ARFGEF1: variants seen among roughly 807,000 people sequenced by gnomAD.
ARFGEF1 encodes the protein ARF guanine nucleotide exchange factor 1, also known as brefeldin A-inhibited guanine nucleotide-exchange protein 1.
Under a neutral mutation model 231.0 loss-of-function variants are expected in ARFGEF1, and 42 were observed. The observed-to-expected ratio is 0.18, with a 90% CI of 0.14 to 0.24. The LOEUF is 0.24. ARFGEF1 is among the 10% of genes least tolerant of loss of function. ARFGEF1 has a pLI of 1.00. For synonymous variants in ARFGEF1, 710 were observed against 732.3 expected, an observed-to-expected ratio of 0.97 and a Z score of 0.49; for missense variants, 1,345 against 2,192.0, an observed-to-expected ratio of 0.61 and a Z score of 7.72.
At chr8:67,309,700 T>C (rs144514237) in intron 1 of ARFGEF1, among the ~76,000 whole-genome samples, 51 of 152,302 alleles carry the variant, frequency 3.3e-4, no homozygotes, top group African/African-American at 1.1e-3. Flanking sequence ...AAAAATACTT[T>C]TTGCTCATTA....
At chr8:67,329,309 T>C (rs1807987123) in intron 1 of ARFGEF1, among the ~76,000 whole-genome samples, 1 of 151,194 alleles carries the variant, frequency 6.6e-6, no homozygotes, top group Non-Finnish European at 1.5e-5. Context: ...TCCCAGCACT[T>C]TGGGAGGCTG....
intron 20 of ARFGEF1, 109 bp downstream of exon 20, chr8:67,240,053 G>A (rs1016389511): frequency 7.0e-7 from 1 of 1,423,406 alleles, no homozygotes; most frequent in East Asian, 2.4e-5. Context: ...TCATAAACTT[G>A]AAATTAGTTT....
At chr8:67,285,086 T>C (rs1351464075) in intron 7 of ARFGEF1, among the ~76,000 whole-genome samples, 1 of 142,792 alleles carries the variant, frequency 7.0e-6, no homozygotes, top group Non-Finnish European at 1.5e-5. Flanking sequence ...AAGCCCATGG[T>C]ATTATTTTTA....
chr8:67,328,243 C>T (rs187481860), intron 1 of ARFGEF1, among the ~76,000 whole-genome samples: 1,567 of 152,106 alleles, frequency 0.01, 13 homozygotes, highest in Non-Finnish European at 0.017. Flanking sequence ...CCTTAAATAG[C>T]CATGGGTGCT....
intron 2 of ARFGEF1, among the ~76,000 whole-genome samples, chr8:67,301,784 C>T (rs1163046625): frequency 6.6e-6 from 1 of 152,106 alleles, no homozygotes; most frequent in East Asian, 1.9e-4. Flanking sequence ...AATGCCAACA[C>T]TATCAAAAAA....
intron 14 of ARFGEF1, among the ~76,000 whole-genome samples, chr8:67,261,394 G>A (rs1464553884): frequency 6.6e-6 from 1 of 152,128 alleles, no homozygotes; most frequent in Non-Finnish European, 1.5e-5. Context: ...AGATCCCAGG[G>A]TCCTTAAGAA....
chr8:67,206,151 T>C (rs918677599), intron 34 of ARFGEF1, among the ~76,000 whole-genome samples: 1 of 152,060 alleles, frequency 6.6e-6, no homozygotes, highest in African/African-American at 2.4e-5. Flanking sequence ...GGCTCATGCC[T>C]GTAATCCCAG....
chr8:67,247,771 AT>A (rs1012139813), intron 19 of ARFGEF1, among the ~76,000 whole-genome samples: 2 of 150,660 alleles, frequency 1.3e-5, no homozygotes, highest in African/African-American at 4.9e-5. Flanking sequence ...AAGAAGTCAA[AT>A]TATCTATTTG....
chr8:67,289,640 A>G (rs2128908487), intron 6 of ARFGEF1, among the ~76,000 whole-genome samples: 1 of 151,616 alleles, frequency 6.6e-6, no homozygotes, highest in Middle Eastern at 3.5e-3. Flanking sequence ...TGTCCTCCCT[A>G]TAATTTCACT....
chr8:67,206,278 C>T lies in ARFGEF1; in HGVS notation c.4820-1459G>A, dbSNP rs1032348823. Among the ~76,000 whole-genome samples, 7 of 151,782 alleles carry T rather than the reference C, an allele frequency of 4.6e-5. No individual in the cohort carries two copies. In the East Asian group the frequency reaches 5.8e-4, roughly 13 times the overall value. ...TACAAAAATTAGCCGGGTGTGGTGG[C>T]GTGTGCCTGTAGTCCCAGCTACTCG... On this transcript the variant is annotated intron_variant, in intron 34 of 38. Coordinates refer to ENST00000262215, the MANE Select transcript of ARFGEF1 (RefSeq NM_006421.5).
rs184098117 is a variant in ARFGEF1 at position 67,297,135 on chromosome 8, A to C, written c.460-525T>G. Reference sequence around the variant, plus strand: ...CTCACTGCGGCAGTAATTTCCACATAATCTGAAAACCATTTAACTGATTTG... The same window carrying C: ...CTCACTGCGGCAGTAATTTCCACATCATCTGAAAACCATTTAACTGATTTG... On this transcript the variant is annotated intron_variant, in intron 4 of 38. Coordinates refer to ENST00000262215, the MANE Select transcript of ARFGEF1 (RefSeq NM_006421.5). Among the ~76,000 whole-genome samples, 17 of 152,330 alleles carry C rather than the reference A, an allele frequency of 1.1e-4. No individual in the cohort carries two copies. The East Asian group carries it at 1.9e-3, about 17-fold the overall frequency.
At chr8:67,177,166 C>T (rs763830274) in intron 5 of ARFGEF1, among the ~76,000 whole-genome samples, 7 of 151,434 alleles carry the variant, frequency 4.6e-5, no homozygotes, top group Non-Finnish European at 1.0e-4. Context: ...GGCTATCATT[C>T]GCAGCTTGTT....
At chr8:67,204,479 C>A (rs1011357730) in intron 35 of ARFGEF1, among the ~76,000 whole-genome samples, 1 of 152,174 alleles carries the variant, frequency 6.6e-6, no homozygotes, top group East Asian at 1.9e-4. Context: ...AGGATGAGGT[C>A]CCTAGTAATC....
chr8:67,211,622 A>G lies in ARFGEF1; in HGVS notation c.4687-7T>C. On this transcript the variant is annotated splice_region_variant and splice_polypyrimidine_tract_variant and intron_variant, in intron 33 of 38. Coordinates refer to ENST00000262215, the MANE Select transcript of ARFGEF1 (RefSeq NM_006421.5). Reference sequence around the variant, plus strand: ...ACTTCTGTGATATTGTATCCTAATAAATAAAAAAAAAATCACTGTAAGTAT... The same window carrying G: ...ACTTCTGTGATATTGTATCCTAATAGATAAAAAAAAAATCACTGTAAGTAT... 7.0e-7 allele frequency: 1 copy of G among 1,422,760 alleles called. No individual in the cohort carries two copies. The highest frequency in any genetic ancestry group is 9.4e-7 in the Non-Finnish European group (1 of 1,066,352). The allele number at this position is 1,422,760 out of a possible 1,614,324, so 88.1% of individuals were successfully genotyped here.
rs1840368410 is a variant in ARFGEF1, at chr8:67,253,708, A to AT, written c.2527-87dup. On this transcript the variant is annotated intron_variant, in intron 17 of 38. Coordinates refer to ENST00000262215, the MANE Select transcript of ARFGEF1 (RefSeq NM_006421.5). Reference sequence around the variant, plus strand: ...AAGGATATGAATATTTACATAAGAGATTTTGTAAATACTTTTGAGGATAGA... The same window carrying AT: ...AAGGATATGAATATTTACATAAGAGATTTTTGTAAATACTTTTGAGGATAGA... 4 of 710,772 alleles carry AT rather than the reference A, an allele frequency of 5.6e-6. No individual in the cohort carries two copies. In the Admixed American group the frequency reaches 1.2e-4, roughly 21 times the overall value. The allele number at this position is 710,772 out of a possible 1,614,324, so 44.0% of individuals were successfully genotyped here.
At chr8:67,188,993 G>A (rs191661941) in intron 5 of ARFGEF1, among the ~76,000 whole-genome samples, 5 of 152,272 alleles carry the variant, frequency 3.3e-5, no homozygotes, top group East Asian at 3.9e-4. Flanking sequence ...TCTTGGAAGC[G>A]GCCCTCCACC....
At chr8:67,292,305 T>C (rs1806042382) in intron 5 of ARFGEF1, among the ~76,000 whole-genome samples, 182 bp from the exon 6 acceptor site, 1 of 152,152 alleles carries the variant, frequency 6.6e-6, no homozygotes, top group Non-Finnish European at 1.5e-5. Flanking sequence ...ACTTCTTAGG[T>C]GGCTGGAAAT....
At chr8:67,303,991 T>C (rs556755557) in intron 1 of ARFGEF1, among the ~76,000 whole-genome samples, 1 of 152,328 alleles carries the variant, frequency 6.6e-6, no homozygotes. Context: ...CTGCATGGCT[T>C]GGACGTATGG....
chr8:67,212,837 T>A (rs1204534224), intron 33 of ARFGEF1, among the ~76,000 whole-genome samples: 1 of 152,164 alleles, frequency 6.6e-6, no homozygotes, highest in East Asian at 1.9e-4. Context: ...AAAGCACTGG[T>A]TTTTAAATAT....
Sources: gnomAD v4.1 joint callset for allele counts (sites outside exome capture counted in the v4.1 genomes callset) on GRCh38, gnomAD v4.1.1 for gene constraint, MANE v1.5 for transcripts, NCBI Gene and HGNC (gene_info 2026-07-23, HGNC 2026-07-21) for gene names.